Variants in TRPM1 observed in about 807,000 individuals in gnomAD.
TRPM1 encodes the protein TRPM1-203 APA Isoform, Intron 10.
TRPM1 carries 113 observed loss-of-function variants against 149.4 expected under a neutral mutation model. The ratio of observed to expected loss-of-function variants is 0.76; its 90% CI spans 0.65 to 0.88. TRPM1 has a LOEUF of 0.88. TRPM1 is among the 40% of genes least tolerant of loss of function. TRPM1 has a pLI of 0.00. For missense variants in TRPM1, 1,976 were observed against 2,038.7 expected (o/e 0.97, Z 0.59); for synonymous variants, 741 against 759.5 (o/e 0.98, Z 0.40).
At chr15:31,161,046 G>T in exon 1 of TRPM1, 1 of 1,352,650 alleles carries the variant, frequency 7.4e-7, no homozygotes, top group Non-Finnish European at 1.0e-6. Context: ...TGGGTGGGCA[G>T]GAGCGGAGCC....
rs559168157 is a variant in TRPM1, at chr15:31,082,897, G to C, written c.-83-1459C>G. 3.9e-5 allele frequency among the ~76,000 whole-genome samples: 6 copies of C among 152,262 alleles called. No homozygotes were observed. In the South Asian group the frequency reaches 1.2e-3, roughly 32 times the overall value. ...TCCCCTGAAGGGGAGCCCAGAAATG[G>C]TGGGAGCTGGAGTGGAATGAAGGGT... On this transcript the variant is annotated intron_variant, in intron 1 of 27. Transcript: ENST00000256552.
At chr15:31,054,940 C>T (rs778555043) in intron 11 of TRPM1, among the ~76,000 whole-genome samples, 2 of 152,220 alleles carry the variant, frequency 1.3e-5, no homozygotes, top group Non-Finnish European at 2.9e-5. Context: ...CAATCCCTCA[C>T]ATCCTAGCTT....
Position 31,047,241 on chromosome 15 carries a change from G to T in TRPM1, c.1634C>A (p.Pro545Gln). Residue 545 changes from proline (P) to glutamine (Q), a missense_variant, in exon 15 of 28, where the codon CCG (proline) becomes CAG (glutamine). Coordinates refer to ENST00000256552, the MANE Select transcript of TRPM1 (RefSeq NM_001252024.2). The part of the protein sequence containing the change: ...LVRDVKKSNL[P>Q]PDYHISLIDI... ...TATGAGGCTGATGTGGTAATCAGGC[G>T]GAAGGTTGCTCTGTAAAAGAAGTCT... 1 of 1,614,184 alleles carries T rather than the reference G, an allele frequency of 6.2e-7. No homozygotes were observed. The highest frequency in any genetic ancestry group is 8.5e-7 in the Non-Finnish European group (1 of 1,180,038).
At chr15:31,081,287 T>A in intron 2 of TRPM1, 66 bp downstream of exon 2, 1 of 831,562 alleles carries the variant, frequency 1.2e-6, no homozygotes. Context: ...AACGCTAGCA[T>A]GTGACTAACG....
chr15:31,038,074 C>T lies in TRPM1; in HGVS notation c.2409G>A (p.Glu803=). 1 of 1,614,094 alleles carries T rather than the reference C, an allele frequency of 6.2e-7. No homozygotes were observed. Among genetic ancestry groups the T allele is most frequent in the Non-Finnish European group, 8.5e-7 (1 of 1,180,010 alleles). ...TTTCCTCTTCTTTTTCTTTGCCATC[C>T]TCATTTTCCTTGGATGTTTGATACG... is the stretch of plus-strand genomic sequence containing the variant. The part of the protein sequence containing the change: ...DFSYQTSKEN[E]DGKEKEEENT... The change falls in exon 19 of 28, where the codon GAG becomes GAA. Residue 803 remains glutamate (E), a synonymous_variant. Transcript: ENST00000256552.
At chr15:31,036,288 G>A (rs77849493) in intron 20 of TRPM1, among the ~76,000 whole-genome samples, 2,591 of 152,218 alleles carry the variant, frequency 0.017, 40 homozygotes, top group Non-Finnish European at 0.024. Flanking sequence ...GGGGGAGGAC[G>A]TCTGAAGTAG....
chr15:31,152,326 CAGG>C (rs1450781392), intron 1 of TRPM1, among the ~76,000 whole-genome samples: 3 of 152,242 alleles, frequency 2.0e-5, no homozygotes, highest in African/African-American at 7.2e-5. Context: ...GTCTCCGCTT[CAGG>C]AGTTCTCCCA....
chr15:31,095,099 G>A (rs555366283), intron 1 of TRPM1, among the ~76,000 whole-genome samples: 30 of 152,370 alleles, frequency 2.0e-4, no homozygotes, highest in Middle Eastern at 6.8e-3. Context: ...GATGCTAACT[G>A]ATAGAAGCCA....
At chr15:31,099,141 T>C (rs146864074) in intron 1 of TRPM1, among the ~76,000 whole-genome samples, 3 of 152,304 alleles carry the variant, frequency 2.0e-5, no homozygotes, top group African/African-American at 7.2e-5. Context: ...TCCCAATGGA[T>C]GCTGTAATTC....
At chr15:31,122,346 GA>G (rs1387921435) in intron 1 of TRPM1, among the ~76,000 whole-genome samples, 1 of 152,010 alleles carries the variant, frequency 6.6e-6, no homozygotes, top group African/African-American at 2.4e-5. Context: ...AATAAGATAA[GA>G]AAAAGAAATA....
Position 31,001,986 on chromosome 15 carries a change from A to C in TRPM1, c.4714T>G (p.Ser1572Ala), listed in dbSNP as rs2031783283. ...DQTLGFPSLR[S>A]KSLHGHPRNV... is the part of the protein sequence containing the mutation. ...CTAGGATGTCCATGTAAACTTTTTG[A>C]CCTGAGAGATGGGAATCCCAAAGTT... Residue 1572 changes from serine (S) to alanine (A), a missense_variant, in exon 28 of 28, where the codon TCA (serine) becomes GCA (alanine). By Grantham distance (99) the Ser-to-Ala change is moderately conservative. Coordinates refer to ENST00000256552, the MANE Select transcript of TRPM1 (RefSeq NM_001252024.2). 1 of 1,614,006 alleles carries C rather than the reference A, an allele frequency of 6.2e-7. No homozygotes were observed. The highest frequency in any genetic ancestry group is 8.5e-7 in the Non-Finnish European group (1 of 1,180,028).
chr15:31,053,666 C>G lies in TRPM1; in HGVS notation c.1264-3084G>C, dbSNP rs2034008783. Among the ~76,000 whole-genome samples, 6 of 152,296 alleles carry G rather than the reference C, an allele frequency of 3.9e-5. No individual in the cohort carries two copies. The South Asian group carries it at 1.0e-3, about 26-fold the overall frequency. On this transcript the variant is annotated intron_variant, in intron 11 of 27. Transcript: ENST00000256552. ...TGGGTGGAAATGTAAAATGGTGCAA[C>G]TGCTGTGGGAGGAGTTTGGTGATTC...
chr15:31,133,229 G>A (rs2036041921), intron 1 of TRPM1, among the ~76,000 whole-genome samples: 1 of 151,928 alleles, frequency 6.6e-6, no homozygotes, highest in Admixed American at 6.5e-5. Context: ...TTGAGGTCAG[G>A]AGTTCAAGAC....
intron 27 of TRPM1, among the ~76,000 whole-genome samples, chr15:31,005,735 G>A (rs2031966596): frequency 6.6e-6 from 1 of 152,232 alleles, no homozygotes; most frequent in South Asian, 2.1e-4. Context: ...ATGAGTTTAA[G>A]TTCACTTACA....
rs768382174 is a variant in TRPM1 at position 31,002,892 on chromosome 15, G to A, written c.3808C>T (p.Arg1270Trp). 5.6e-5 allele frequency: 91 copies of A among 1,613,990 alleles called. No individual in the cohort carries two copies. In the South Asian group the frequency reaches 5.8e-4, roughly 10 times the overall value. The change falls in exon 28 of 28, where the codon CGG (arginine) becomes TGG (tryptophan). Residue 1270 changes from arginine (R) to tryptophan (W), a missense_variant. By Grantham distance (101) the Arg-to-Trp change is moderately radical (BLOSUM62 -3). This residue lies in a region of TRPM1 where 572 missense variants were observed against 578.9 expected (regional missense o/e 0.99). Transcript: ENST00000256552. ...GTTGCCTCACATTCAGAAGAAGCCC[G>A]GGACCGTGCCTGGATCAGGTCAGAC... Reference protein sequence around the residue: ...DRSDLIQARSRASSECEATYL... With the variant: ...DRSDLIQARSWASSECEATYL...
At chr15:31,069,702 C>T in intron 4 of TRPM1, 1 of 1,423,178 alleles carries the variant, frequency 7.0e-7, no homozygotes, top group Non-Finnish European at 9.1e-7. Context: ...TGCAGGTCCA[C>T]AGTTATTAGA....
chr15:31,028,614 G>GA lies in TRPM1; in HGVS notation c.3149-139dup, dbSNP rs1173119557. ...TTCATAAGCAATATTTTTTCCATGG[G>GA]AAAAAATAAACTCTGTAGCCCCAGC... On this transcript the variant is annotated intron_variant, in intron 24 of 27. Coordinates refer to ENST00000256552, the MANE Select transcript of TRPM1 (RefSeq NM_001252024.2). The GA allele has an allele frequency of 9.5e-6, 11 of 1,160,540 alleles. 1 individual carries two copies. The Admixed American group carries it at 2.5e-4, about 26-fold the overall frequency. 71.9% of individuals were successfully genotyped at this position (1,160,540 alleles called of 1,614,324 possible). A position where few individuals can be genotyped will look rare whatever the true frequency, so the allele number is the denominator to read the frequency against.
chr15:31,103,684 G>A (rs1307645088), upstream of TRPM1, among the ~76,000 whole-genome samples: 1 of 151,590 alleles, frequency 6.6e-6, no homozygotes, highest in Non-Finnish European at 1.5e-5. Context: ...ATGGTGGTGG[G>A]TGCCTGTAAT....
At chr15:31,125,468 C>T (rs56331515) in intron 1 of TRPM1, among the ~76,000 whole-genome samples, 20,700 of 151,812 alleles carry the variant, frequency 0.14, 2,662 homozygotes, top group East Asian at 0.74. Context: ...CAGTGGCTTA[C>T]GCCTGTAATC....
Sources: gnomAD v4.1 joint callset for allele counts (sites outside exome capture counted in the v4.1 genomes callset) on GRCh38, gnomAD v4.1.1 for gene constraint, gnomAD v4.1.1 regional missense constraint, MANE v1.5 for transcripts, NCBI Gene and HGNC (gene_info 2026-07-23, HGNC 2026-07-21) for gene names.